STMN1: variants seen among roughly 807,000 people sequenced by gnomAD.
The protein encoded by STMN1 is stathmin.
Under a neutral mutation model 19.7 loss-of-function variants are expected in STMN1, and 3 were observed. The observed-to-expected ratio is 0.15, with a 90% CI of 0.07 to 0.39. STMN1 has a LOEUF of 0.39. STMN1 is among the 10% of genes least tolerant of loss of function. STMN1 has a pLI of 1.00. For synonymous variants in STMN1, 59 were observed against 58.9 expected (o/e 1.00, Z -0.01); for missense variants, 99 against 176.0 (o/e 0.56, Z 2.48).
At chr1:25,904,520 C>A in intron 2 of STMN1, 144 bp downstream of exon 2, 1 of 706,064 alleles carries the variant, frequency 1.4e-6, no homozygotes, top group East Asian at 2.7e-5. Context: ...AAGTGATAAT[C>A]ATTTTTAAAT....
At chr1:25,899,867 G>A (rs1157195738), downstream of STMN1, among the ~76,000 whole-genome samples, 1 of 152,152 alleles carries the variant, frequency 6.6e-6, no homozygotes, top group Non-Finnish European at 1.5e-5. Flanking sequence ...ATCATCTTTT[G>A]CTATAAGTGC....
chr1:25,898,107 A>G (rs2048835550), downstream of STMN1, among the ~76,000 whole-genome samples: 1 of 152,170 alleles, frequency 6.6e-6, no homozygotes, highest in Non-Finnish European at 1.5e-5. Context: ...TGACCACTGC[A>G]GCCCCCCACA....
At position 25,904,683 on chromosome 1, in the gene STMN1, TA is replaced by T; in HGVS notation, c.-8del. On this transcript the variant is annotated 5_prime_UTR_variant, in exon 2 of 5. Transcript: ENST00000455785. The stretch of plus-strand genomic sequence containing the variant: ...ACCTACCAGAAGAAGCCATGGTGAA[TA>T]GAAGACAAGCGACAGGCAGTGTATT... 6.2e-7 allele frequency: 1 copy of T among 1,613,942 alleles called. No individual in the cohort carries two copies. Among genetic ancestry groups the T allele is most frequent in the African/African-American group, 1.3e-5 (1 of 75,048 alleles).
chr1:25,904,785 A>AT (rs2048918144), intron 1 of STMN1, 47 bp from the exon 2 acceptor site: 4 of 1,505,312 alleles, frequency 2.7e-6, no homozygotes, highest in Non-Finnish European at 3.6e-6. Context: ...TTGCCTTTCT[A>AT]TATGTCATCA....
intron 4 of STMN1, among the ~76,000 whole-genome samples, chr1:25,886,735 C>T (rs189232040): frequency 1.3e-5 from 2 of 151,978 alleles, no homozygotes; most frequent in East Asian, 1.9e-4. Flanking sequence ...ACTACAGATG[C>T]CTGCCACCAC....
Position 25,900,317 on chromosome 1 carries a change from A to C in STMN1, c.*699T>G. The C allele has an allele frequency of 3.0e-6, 3 of 985,876 alleles. No individual in the cohort carries two copies. Among genetic ancestry groups the C allele is most frequent in the Non-Finnish European group, 3.6e-6 (3 of 829,946 alleles). The allele number at this position is 985,876 out of a possible 1,614,324, so 61.1% of individuals were successfully genotyped here. A position where few individuals can be genotyped will look rare whatever the true frequency, so the allele number is the denominator to read the frequency against. ...CTTTTAAAAGGGACACAGAACAAAA[A>C]ATGGTTGTTTGCAAATAAACATCTG... is the stretch of plus-strand genomic sequence containing the variant. On this transcript the variant is annotated 3_prime_UTR_variant, in exon 5 of 5. Coordinates refer to ENST00000455785, the MANE Select transcript of STMN1 (RefSeq NM_005563.4).
intron 4 of STMN1, among the ~76,000 whole-genome samples, chr1:25,888,466 G>A (rs894154464): frequency 1.1e-4 from 16 of 152,122 alleles, no homozygotes; most frequent in African/African-American, 3.9e-4. Context: ...TGCATAGTAG[G>A]TCCTCAATAA....
chr1:25,903,303 G>C, intron 3 of STMN1: 1 of 197,092 alleles, frequency 5.1e-6, no homozygotes, highest in South Asian at 9.1e-5. Flanking sequence ...GGAAGCATGA[G>C]AGAAGCATGA....
downstream of STMN1, chr1:25,884,906 C>T (rs1237641599): frequency 6.5e-6 from 1 of 153,492 alleles, no homozygotes; most frequent in Non-Finnish European, 1.5e-5. Flanking sequence ...GACTCCTGCC[C>T]TCTGCTTGAG....
downstream of STMN1, among the ~76,000 whole-genome samples, chr1:25,897,615 T>C (rs545272505): frequency 6.6e-6 from 1 of 152,184 alleles, no homozygotes; most frequent in South Asian, 2.1e-4. Context: ...GGCTGAATAG[T>C]AGGGCTTTCA....
At position 25,901,087 on chromosome 1, in the gene STMN1, C is replaced by T; in HGVS notation, c.379G>A (p.Asp127Asn). The change falls in exon 5 of 5, where the codon GAT becomes AAT. Residue 127 changes from aspartate to asparagine, a missense_variant and splice_region_variant. Around this residue, in one of 3 missense-constraint regions of STMN1, gnomAD observed 54 missense variants for 79.4 expected, o/e 0.68. Coordinates refer to ENST00000455785, the MANE Select transcript of STMN1 (RefSeq NM_005563.4). ...TTCCGCACTTCTTCAATGTGCTTAT[C>T]CTGTAAAGGAAGGGTAAGGTGTCAT... The part of the protein sequence containing the change: ...AAKLERLREK[D>N]KHIEEVRKNK... The T allele has an allele frequency of 6.2e-7, 1 of 1,600,320 alleles. No individual in the cohort carries two copies. The highest frequency in any genetic ancestry group is 8.5e-7 in the Non-Finnish European group (1 of 1,173,006).
chr1:25,887,325 T>A (rs955958746), intron 4 of STMN1: 1 of 197,068 alleles, frequency 5.1e-6, no homozygotes, highest in Non-Finnish European at 1.1e-5. Context: ...GCCAAGAGGT[T>A]GTCCAGGAGC....
chr1:25,901,454 C>T (rs2048873121), intron 4 of STMN1, 37 bp downstream of exon 4: 1 of 1,568,640 alleles, frequency 6.4e-7, no homozygotes, highest in East Asian at 2.3e-5. Context: ...GTGCATCAAA[C>T]TCCAAGCTCA....
chr1:25,894,989 G>T (rs1470472913), intron 4 of STMN1, among the ~76,000 whole-genome samples: 5 of 152,078 alleles, frequency 3.3e-5, no homozygotes, highest in African/African-American at 1.2e-4. Flanking sequence ...CCATAGAGGT[G>T]CCAGCAAGTG....
intron 4 of STMN1, chr1:25,892,628 C>T (rs1557478667): frequency 1.0e-6 from 1 of 984,160 alleles, no homozygotes; most frequent in Non-Finnish European, 1.2e-6. Context: ...ACAACCGCCT[C>T]CCTACACTGA....
chr1:25,885,897 C>A (rs192286224), intron 4 of STMN1: 7 of 1,534,080 alleles, frequency 4.6e-6, no homozygotes, highest in Non-Finnish European at 6.1e-6. Context: ...ATCACCAGGT[C>A]ATCTGCAACC....
At chr1:25,892,556 G>GCTGAGCC in intron 4 of STMN1, 1 of 960,374 alleles carries the variant, frequency 1.0e-6, no homozygotes, top group Non-Finnish European at 1.2e-6. Context: ...TGCCACCACG[G>GCTGAGCC]CTGAGCCGCT....
chr1:25,890,467 T>C (rs1319826804), intron 4 of STMN1, among the ~76,000 whole-genome samples: 7 of 152,228 alleles, frequency 4.6e-5, no homozygotes, highest in African/African-American at 1.7e-4. Context: ...GGGGAATTTA[T>C]CTTAAACAGG....
chr1:25,901,801 G>C, intron 3 of STMN1, 119 bp from the exon 4 acceptor site: 3 of 955,812 alleles, frequency 3.1e-6, no homozygotes, highest in Non-Finnish European at 4.5e-6. Context: ...TTTGAGGTCA[G>C]GAGTTCAAGA....
Sources: allele counts gnomAD v4.1 joint callset (sites outside exome capture counted in the v4.1 genomes callset), GRCh38; gene constraint gnomAD v4.1.1; regional missense constraint gnomAD v4.1.1; transcripts MANE v1.5; gene names NCBI Gene and HGNC (gene_info 2026-07-23, HGNC 2026-07-21).